The following DDAH1 variants were observed in gnomAD, a reference collection of about 807,000 sequenced individuals.
DDAH1 encodes the protein N(G),N(G)-dimethylarginine dimethylaminohydrolase 1.
A neutral mutation model predicts 28.8 loss-of-function variants in DDAH1; 19 were observed. That is an observed-to-expected ratio of 0.66 (90% CI 0.46 to 0.97). The LOEUF (loss-of-function observed/expected upper bound fraction) is 0.97. Ranked by LOEUF, DDAH1 falls within the 50% of genes least tolerant of loss-of-function variation. The pLI is 0.00. For synonymous variants in DDAH1, 153 were observed against 154.4 expected, an observed-to-expected ratio of 0.99 and a Z score of 0.07; for missense variants, 326 against 375.9, an observed-to-expected ratio of 0.87 and a Z score of 1.10.
At chr1:85,547,150 A>T (rs1291026350) in intron 1 of DDAH1, among the ~76,000 whole-genome samples, 1 of 152,152 alleles carries the variant, frequency 6.6e-6, no homozygotes, top group Non-Finnish European at 1.5e-5. Flanking sequence ...GAGTACTGGA[A>T]CCACCACTCA....
chr1:85,572,042 G>A (rs907763118), intron 1 of DDAH1, among the ~76,000 whole-genome samples: 3 of 152,112 alleles, frequency 2.0e-5, no homozygotes, highest in African/African-American at 7.2e-5. Flanking sequence ...GGCTGTGGGA[G>A]GTAGCAGCTC....
At chr1:85,522,509 A>G (rs1366327488) in intron 1 of DDAH1, among the ~76,000 whole-genome samples, 1 of 150,372 alleles carries the variant, frequency 6.7e-6, no homozygotes, top group African/African-American at 2.5e-5. Context: ...ATTAAGAGGC[A>G]TAGTTAACCA....
intron 1 of DDAH1, among the ~76,000 whole-genome samples, chr1:85,560,257 C>A (rs1486466015): frequency 6.6e-6 from 1 of 152,034 alleles, no homozygotes; most frequent in East Asian, 1.9e-4. Context: ...AAAATAAAAA[C>A]TGTTTTAGAA....
intron 1 of DDAH1, among the ~76,000 whole-genome samples, chr1:85,515,191 C>A (rs672774): frequency 0.96 from 143,201 of 148,818 alleles, 68,954 homozygotes; most frequent in Middle Eastern, 0.99. Flanking sequence ...GGACTTCAAG[C>A]CCAGCCTGGC....
intron 1 of DDAH1, among the ~76,000 whole-genome samples, chr1:85,439,617 A>C (rs903548355): frequency 6.6e-6 from 1 of 152,224 alleles, no homozygotes; most frequent in African/African-American, 2.4e-5. Context: ...AATTTTAATC[A>C]TCTAGTTACT....
At chr1:85,332,186 G>A (rs1647817861) in intron 4 of DDAH1, among the ~76,000 whole-genome samples, 1 of 152,172 alleles carries the variant, frequency 6.6e-6, no homozygotes. Flanking sequence ...CCACCAGACT[G>A]CATTGTGCCC....
chr1:85,471,958 C>G (rs587843), intron 2 of DDAH1, among the ~76,000 whole-genome samples: 96,340 of 152,024 alleles, frequency 0.63, 31,387 homozygotes, highest in Admixed American at 0.73. Flanking sequence ...TAGGTTTGTT[C>G]TCTGACCTTC....
intron 4 of DDAH1, among the ~76,000 whole-genome samples, chr1:85,327,610 G>C (rs1647487004): frequency 6.6e-6 from 1 of 152,150 alleles, no homozygotes; most frequent in Admixed American, 6.5e-5. Context: ...ACAGAGCATG[G>C]GCTTCAGAGT....
chr1:85,427,878 T>G (rs1005173191), intron 1 of DDAH1, among the ~76,000 whole-genome samples: 1 of 152,162 alleles, frequency 6.6e-6, no homozygotes, highest in Admixed American at 6.5e-5. Flanking sequence ...AGGGAGGGGA[T>G]AGGAAAGGCT....
intron 1 of DDAH1, among the ~76,000 whole-genome samples, chr1:85,544,248 C>G (rs549132837): frequency 3.2e-4 from 48 of 152,306 alleles, no homozygotes; most frequent in African/African-American, 1.1e-3. Context: ...GCATCCAGAT[C>G]TCTGTACAGG....
At chr1:85,330,860 T>C (rs1254611945) in intron 4 of DDAH1, among the ~76,000 whole-genome samples, 1 of 152,144 alleles carries the variant, frequency 6.6e-6, no homozygotes, top group East Asian at 1.9e-4. Context: ...AGAGATGCCT[T>C]CAGGAGATGA....
At position 85,319,872 on chromosome 1, in the gene DDAH1, C is replaced by G. The variant is rs1236797972; in HGVS notation, c.*1580G>C. On this transcript the variant is annotated 3_prime_UTR_variant, in exon 6 of 6. Coordinates refer to ENST00000284031, the MANE Select transcript of DDAH1 (RefSeq NM_012137.4). ...TCATTTTCTCAGAGGTTTCTCCTTC[C>G]ATCTGCTACGGGGGAAATGAAATGA... is the stretch of plus-strand genomic sequence containing the variant. 6.6e-6 allele frequency: 1 copy of G among 152,188 alleles called. No homozygotes were observed. The highest frequency in any genetic ancestry group is 1.5e-5 in the Non-Finnish European group (1 of 68,038). The allele number at this position is 152,188 out of a possible 1,614,324, so 9.4% of individuals were successfully genotyped here.
At chr1:85,384,346 G>T (rs1651146941) in intron 1 of DDAH1, among the ~76,000 whole-genome samples, 1 of 152,094 alleles carries the variant, frequency 6.6e-6, no homozygotes, top group South Asian at 2.1e-4. Context: ...ACTCTGCCCT[G>T]CAAATTCTAC....
At chr1:85,540,147 G>A (rs1015382006) in intron 1 of DDAH1, among the ~76,000 whole-genome samples, 1 of 151,928 alleles carries the variant, frequency 6.6e-6, no homozygotes, top group Non-Finnish European at 1.5e-5. Flanking sequence ...AAAATAATGT[G>A]AATCTTAGAA....
intron 1 of DDAH1, among the ~76,000 whole-genome samples, chr1:85,434,866 G>A (rs1228625309): frequency 6.6e-6 from 1 of 151,632 alleles, no homozygotes; most frequent in African/African-American, 2.4e-5. Flanking sequence ...ATTAAATACA[G>A]GATATTGAAA....
At chr1:85,428,450 G>A (rs1337412039) in intron 1 of DDAH1, among the ~76,000 whole-genome samples, 1 of 152,118 alleles carries the variant, frequency 6.6e-6, no homozygotes, top group Non-Finnish European at 1.5e-5. Flanking sequence ...CATGAGAACA[G>A]CATGGGAAAG....
chr1:85,337,833 G>C (rs768680388), intron 4 of DDAH1, among the ~76,000 whole-genome samples: 2 of 152,116 alleles, frequency 1.3e-5, no homozygotes, highest in Non-Finnish European at 2.9e-5. Context: ...AAAGTCTCCT[G>C]ATGCAATTTC....
chr1:85,454,117 T>A (rs1234929954), intron 1 of DDAH1, among the ~76,000 whole-genome samples: 2 of 152,014 alleles, frequency 1.3e-5, no homozygotes, highest in Admixed American at 1.3e-4. Flanking sequence ...GCCACCAAAT[T>A]TTCCCCTCCC....
chr1:85,404,666 T>G, intron 1 of DDAH1: 1 of 447,454 alleles, frequency 2.2e-6, no homozygotes, highest in Non-Finnish European at 3.4e-6. Context: ...AAATTCCACG[T>G]AATAGCTTTT....
Sources: allele counts gnomAD v4.1 joint callset (sites outside exome capture counted in the v4.1 genomes callset), GRCh38; gene constraint gnomAD v4.1.1; transcripts MANE v1.5; gene names NCBI Gene and HGNC (gene_info 2026-07-23, HGNC 2026-07-21).